The following IQCM variants were observed in gnomAD, a reference collection of about 807,000 sequenced individuals.
The protein encoded by IQCM is IQ domain-containing protein M.
In IQCM, 45 loss-of-function variants were observed where a neutral mutation model predicts 57.6. The ratio of observed to expected loss-of-function variants is 0.78; its 90% CI spans 0.62 to 1.00. The LOEUF is 1.00. Ranked by LOEUF, IQCM falls within the 50% of genes least tolerant of loss-of-function variation. IQCM has a pLI of 0.00. For synonymous variants in IQCM, 148 were observed against 158.9 expected (o/e 0.93, Z 0.51); for missense variants, 468 against 511.6 (o/e 0.91, Z 0.82).
chr4:149,613,182 A>G (rs1755455688), intron 8 of IQCM, among the ~76,000 whole-genome samples: 1 of 152,108 alleles, frequency 6.6e-6, no homozygotes, highest in African/African-American at 2.4e-5. Flanking sequence ...GAAAATAATT[A>G]CAGTACCTCC....
At chr4:149,594,747 G>T (rs939042945) in intron 8 of IQCM, among the ~76,000 whole-genome samples, 24 of 152,052 alleles carry the variant, frequency 1.6e-4, no homozygotes, top group African/African-American at 4.1e-4. Flanking sequence ...TTGTTCAGTT[G>T]CCATGTAGTT....
intron 12 of IQCM, among the ~76,000 whole-genome samples, chr4:149,450,112 G>A (rs1467772167): frequency 6.6e-6 from 1 of 151,756 alleles, no homozygotes; most frequent in Non-Finnish European, 1.5e-5. Context: ...CTGGGGAAAA[G>A]ACAATTTCTT....
chr4:149,389,469 CAAT>C (rs1427774232), intron 13 of IQCM, among the ~76,000 whole-genome samples: 1 of 151,472 alleles, frequency 6.6e-6, no homozygotes, highest in Non-Finnish European at 1.5e-5. Flanking sequence ...AAATGTCCAA[CAAT>C]GATAGACTGG....
chr4:149,377,732 T>C (rs992444034), intron 13 of IQCM, among the ~76,000 whole-genome samples: 2 of 152,142 alleles, frequency 1.3e-5, no homozygotes, highest in African/African-American at 2.4e-5. Flanking sequence ...AAATTCTATA[T>C]GTCTCCTCCC....
chr4:149,561,338 A>T (rs2654799), intron 10 of IQCM, among the ~76,000 whole-genome samples: 32,525 of 152,072 alleles, frequency 0.21, 4,349 homozygotes, highest in Non-Finnish European at 0.29. Flanking sequence ...TTCTACAATT[A>T]TTTCTGATAT....
intron 10 of IQCM, among the ~76,000 whole-genome samples, chr4:149,563,468 C>G (rs889317168): frequency 6.6e-6 from 1 of 152,020 alleles, no homozygotes; most frequent in Non-Finnish European, 1.5e-5. Context: ...CACCTGTAAT[C>G]CCAGCTACTC....
intron 5 of IQCM, among the ~76,000 whole-genome samples, chr4:149,726,442 A>G (rs1000636700): frequency 3.3e-5 from 5 of 151,918 alleles, no homozygotes; most frequent in Non-Finnish European, 7.4e-5. Flanking sequence ...AAATATGACT[A>G]ATATATTTCC....
intron 12 of IQCM, among the ~76,000 whole-genome samples, chr4:149,438,424 T>C (rs1021262292): frequency 9.9e-5 from 15 of 152,198 alleles, no homozygotes; most frequent in East Asian, 7.8e-4. Flanking sequence ...TAGTATGGAA[T>C]TTTCATATGT....
intron 13 of IQCM, among the ~76,000 whole-genome samples, chr4:149,353,620 C>T (rs1728725295): frequency 6.6e-6 from 1 of 152,074 alleles, no homozygotes; most frequent in Admixed American, 6.5e-5. Flanking sequence ...GAAGGAAATC[C>T]TGCCATTTGC....
intron 13 of IQCM, among the ~76,000 whole-genome samples, chr4:149,430,354 T>G (rs891217540): frequency 6.6e-6 from 1 of 152,002 alleles, no homozygotes; most frequent in African/African-American, 2.4e-5. Flanking sequence ...TTTTATAGAT[T>G]TATTGAGGCA....
intron 13 of IQCM, among the ~76,000 whole-genome samples, chr4:149,376,963 C>A (rs1161486202): frequency 6.6e-6 from 1 of 151,854 alleles, no homozygotes; most frequent in African/African-American, 2.4e-5. Context: ...ATAATGCTAC[C>A]ACTCATACTG....
chr4:149,352,844 G>A (rs1347442948), intron 13 of IQCM, among the ~76,000 whole-genome samples: 2 of 152,086 alleles, frequency 1.3e-5, no homozygotes, highest in Non-Finnish European at 2.9e-5. Flanking sequence ...AAAAGGTATA[G>A]ATTTACTGTG....
intron 7 of IQCM, among the ~76,000 whole-genome samples, chr4:149,645,351 C>T (rs1464280030): frequency 1.3e-5 from 2 of 152,206 alleles, no homozygotes; most frequent in Non-Finnish European, 2.9e-5. Flanking sequence ...TGTCCTACTG[C>T]AAAATCAGTG....
chr4:149,725,889 T>C (rs1470708343), intron 5 of IQCM, among the ~76,000 whole-genome samples: 1 of 152,030 alleles, frequency 6.6e-6, no homozygotes, highest in Non-Finnish European at 1.5e-5. Context: ...CTATCTTCTG[T>C]ACATGTTCCC....
At chr4:149,477,009 G>A (rs938455912) in intron 12 of IQCM, among the ~76,000 whole-genome samples, 4 of 152,098 alleles carry the variant, frequency 2.6e-5, no homozygotes, top group Admixed American at 2.6e-4. Flanking sequence ...AAGGCATCTG[G>A]CTACATAGAA....
chr4:149,771,432 T>C lies in IQCM; in HGVS notation c.-48-28693A>G, dbSNP rs1770571147. On this transcript the variant is annotated intron_variant, in intron 2 of 13. Coordinates refer to ENST00000636793, the MANE Select transcript of IQCM (RefSeq NM_001363507.2). ...CATATTGTCTCTTAAAAAATCCTCA[T>C]ATTACAAGTTCATTAATTTATTCAC... Among the ~76,000 whole-genome samples, 3 of 152,218 alleles carry C rather than the reference T, an allele frequency of 2.0e-5. No individual in the cohort carries two copies. The South Asian group carries it at 6.2e-4, about 32-fold the overall frequency.
intron 12 of IQCM, among the ~76,000 whole-genome samples, chr4:149,445,184 T>A (rs1736371413): frequency 6.6e-6 from 1 of 151,830 alleles, no homozygotes; most frequent in East Asian, 1.9e-4. Context: ...TGAACATTAG[T>A]GTGGTCTTCT....
At chr4:149,506,677 T>C (rs1041856512) in intron 12 of IQCM, among the ~76,000 whole-genome samples, 26 of 152,196 alleles carry the variant, frequency 1.7e-4, no homozygotes, top group African/African-American at 6.0e-4. Flanking sequence ...CTGGAGGTAG[T>C]AGTGTTTCTA....
At chr4:149,557,189 T>C (rs1298206248) in intron 10 of IQCM, among the ~76,000 whole-genome samples, 1 of 152,094 alleles carries the variant, frequency 6.6e-6, no homozygotes, top group Non-Finnish European at 1.5e-5. Context: ...TTATCTAGCC[T>C]TGGCTTTCGG....
Sources: gnomAD v4.1 joint callset for allele counts (sites outside exome capture counted in the v4.1 genomes callset) on GRCh38, gnomAD v4.1.1 for gene constraint, MANE v1.5 for transcripts, NCBI Gene and HGNC (gene_info 2026-07-23, HGNC 2026-07-21) for gene names.